PDE4D: variants seen among roughly 807,000 people sequenced by gnomAD.
The protein encoded by PDE4D is 3',5'-cyclic-AMP phosphodiesterase 4D.
PDE4D carries 24 observed loss-of-function variants against 87.4 expected under a neutral mutation model. The observed-to-expected ratio is 0.27, with a 90% CI of 0.20 to 0.39. PDE4D has a LOEUF of 0.39. Ranked by LOEUF, PDE4D falls within the 10% of genes least tolerant of loss-of-function variation. PDE4D has a pLI of 1.00. For synonymous variants in PDE4D, 384 were observed against 383.2 expected, an observed-to-expected ratio of 1.00 and a Z score of -0.02; for missense variants, 714 against 1,041.0, an observed-to-expected ratio of 0.69 and a Z score of 4.32.
In PDE4D at chr5:59,647,065, C is replaced by T. The variant is rs76539427; in HGVS notation, c.455+246103G>A. On this transcript the variant is annotated intron_variant, in intron 1 of 14. Transcript: ENST00000340635. The stretch of plus-strand genomic sequence containing the variant: ...AAAACAAAAAAAAATTTGTAGACAA[C>T]ATATTTAACAAGTCTGTCATACTTG... Among the ~76,000 whole-genome samples, 524 of 152,168 alleles carry T rather than the reference C, an allele frequency of 3.4e-3. 2 individuals are homozygous for T. The highest frequency in any genetic ancestry group is 0.012 in the African/African-American group (493 of 41,542).
chr5:59,031,234 C>T (rs1757334064), intron 6 of PDE4D, among the ~76,000 whole-genome samples: 1 of 151,786 alleles, frequency 6.6e-6, no homozygotes, highest in Non-Finnish European at 1.5e-5. Context: ...TCTAGGTATA[C>T]ACCCAAAGGA....
intron 1 of PDE4D, among the ~76,000 whole-genome samples, chr5:59,658,766 G>A (rs540986879): frequency 6.6e-6 from 1 of 152,072 alleles, no homozygotes; most frequent in Non-Finnish European, 1.5e-5. Flanking sequence ...TTCCTTTATT[G>A]CATGGTTTAA....
chr5:59,988,823 T>A, intron 2 of PDE4D: 1 of 583,034 alleles, frequency 1.7e-6, no homozygotes, highest in Non-Finnish European at 2.9e-6. Context: ...GTAAAATGTA[T>A]ACATGAAAAA....
At chr5:58,994,685 G>T (rs573987362) in intron 6 of PDE4D, among the ~76,000 whole-genome samples, 1 of 152,206 alleles carries the variant, frequency 6.6e-6, no homozygotes, top group South Asian at 2.1e-4. Context: ...TTCATACCAA[G>T]ATGGCCTAAC....
chr5:60,035,253 C>T (rs1209319312), intron 2 of PDE4D, among the ~76,000 whole-genome samples: 1 of 106,546 alleles, frequency 9.4e-6, no homozygotes, highest in Admixed American at 8.8e-5. Context: ...GAGACTCCGT[C>T]TCAAAAAAAA....
chr5:59,672,410 G>C (rs964379336), intron 1 of PDE4D, among the ~76,000 whole-genome samples: 2 of 152,066 alleles, frequency 1.3e-5, no homozygotes, highest in Admixed American at 1.3e-4. Context: ...ACAAAACAAA[G>C]ATTCAATGCA....
chr5:59,689,831 C>A (rs62370490), intron 1 of PDE4D, among the ~76,000 whole-genome samples: 7,128 of 152,292 alleles, frequency 0.047, 189 homozygotes, highest in South Asian at 0.062. Context: ...CCCATCGTCT[C>A]AGCCCAAAAT....
chr5:59,666,694 T>G (rs760218460), intron 1 of PDE4D, among the ~76,000 whole-genome samples: 3 of 152,106 alleles, frequency 2.0e-5, no homozygotes, highest in African/African-American at 2.4e-5. Flanking sequence ...TTAAAAAGAG[T>G]AAGCAACTGA....
chr5:60,108,848 C>T (rs1777345580), intron 2 of PDE4D, among the ~76,000 whole-genome samples: 1 of 151,950 alleles, frequency 6.6e-6, no homozygotes, highest in Non-Finnish European at 1.5e-5. Flanking sequence ...ACACCTTATA[C>T]AAAAATCAAT....
intron 1 of PDE4D, among the ~76,000 whole-genome samples, chr5:59,261,174 A>G (rs1761939914): frequency 6.6e-6 from 1 of 151,830 alleles, no homozygotes; most frequent in Admixed American, 6.6e-5. Flanking sequence ...TGGCAGTTGT[A>G]ATCCTTAAGG....
In PDE4D at chr5:59,435,507, A is replaced by G. The variant is rs141552282; in HGVS notation, c.456-219539T>C. ...CTTCTCTGGCTGGCTAATTCCTTTT[A>G]AGCGTAATCTCTTCCAAAAAACATT... is the stretch of plus-strand genomic sequence containing the variant. On this transcript the variant is annotated intron_variant, in intron 1 of 14. Transcript: ENST00000340635. Among the ~76,000 whole-genome samples, 192 of 152,264 alleles carry G rather than the reference A, an allele frequency of 1.3e-3. 3 individuals carry two copies. In the East Asian group the frequency reaches 0.034, roughly 27 times the overall value.
intron 1 of PDE4D, among the ~76,000 whole-genome samples, chr5:59,812,702 T>C (rs1768503164): frequency 6.6e-6 from 1 of 151,564 alleles, no homozygotes; most frequent in Non-Finnish European, 1.5e-5. Context: ...AATAAAAAAG[T>C]AACAAGTGAG....
intron 2 of PDE4D, among the ~76,000 whole-genome samples, chr5:60,163,408 G>A (rs1458860365): frequency 6.6e-6 from 1 of 152,034 alleles, no homozygotes; most frequent in Non-Finnish European, 1.5e-5. Context: ...CTTCCTCTGA[G>A]CAACTTGGTT....
intron 1 of PDE4D, among the ~76,000 whole-genome samples, chr5:59,586,169 A>G (rs535393916): frequency 6.6e-6 from 1 of 152,326 alleles, no homozygotes; most frequent in South Asian, 2.1e-4. Context: ...TTTTTATTGC[A>G]TAACCATTAC....
chr5:60,084,389 CGT>C (rs5868220), intron 2 of PDE4D, among the ~76,000 whole-genome samples: 66,838 of 151,350 alleles, frequency 0.44, 15,064 homozygotes, highest in East Asian at 0.74. Flanking sequence ...CGCATCTTAA[CGT>C]GTGTGTGTGT....
intron 1 of PDE4D, among the ~76,000 whole-genome samples, chr5:59,406,873 C>T (rs1373784764): frequency 1.3e-5 from 2 of 152,122 alleles, no homozygotes; most frequent in African/African-American, 4.8e-5. Flanking sequence ...GTTTCTTAAA[C>T]TCTTTTTATA....
At chr5:60,279,264 C>T (rs1185730497) in intron 1 of PDE4D, among the ~76,000 whole-genome samples, 1 of 152,140 alleles carries the variant, frequency 6.6e-6, no homozygotes, top group East Asian at 1.9e-4. Flanking sequence ...TCTAGGCCTC[C>T]ACGGACACCA....
At chr5:60,072,806 T>A (rs979599476) in intron 2 of PDE4D, among the ~76,000 whole-genome samples, 5 of 152,102 alleles carry the variant, frequency 3.3e-5, no homozygotes, top group African/African-American at 1.2e-4. Flanking sequence ...TGGTTGTAGG[T>A]GTGCAGCCTT....
intron 1 of PDE4D, among the ~76,000 whole-genome samples, chr5:59,736,044 G>C (rs943222095): frequency 6.6e-6 from 1 of 151,448 alleles, no homozygotes; most frequent in African/African-American, 2.4e-5. Context: ...TTAAAATAAA[G>C]AGTCAAATTT....
Sources: allele counts gnomAD v4.1 joint callset (sites outside exome capture counted in the v4.1 genomes callset), GRCh38; gene constraint gnomAD v4.1.1; transcripts MANE v1.5; gene names NCBI Gene and HGNC (gene_info 2026-07-23, HGNC 2026-07-21).